Variants in IL13RA1 observed in about 807,000 individuals in gnomAD.
The protein encoded by IL13RA1 is interleukin 13 receptor subunit alpha 1.
A neutral mutation model predicts 33.8 loss-of-function variants in IL13RA1; 14 were observed. That is an observed-to-expected ratio of 0.41 (90% CI 0.27 to 0.65). The LOEUF is 0.65. IL13RA1 is among the 30% of genes least tolerant of loss of function. IL13RA1 has a pLI of 0.28. For synonymous variants in IL13RA1, 116 were observed against 115.7 expected, an observed-to-expected ratio of 1.00 and a Z score of -0.02; for missense variants, 313 against 327.0, an observed-to-expected ratio of 0.96 and a Z score of 0.33.
At chrX:118,738,469 C>T (rs774960037) in intron 1 of IL13RA1, among the ~76,000 whole-genome samples, 30 of 111,586 alleles carry the variant, frequency 2.7e-4, no homozygotes, top group African/African-American at 8.1e-4. Flanking sequence ...TGAGAACATG[C>T]GGTATTTGGT....
chrX:118,784,310 C>G (rs2036432066), intron 10 of IL13RA1, among the ~76,000 whole-genome samples: 1 of 106,234 alleles, frequency 9.4e-6, no homozygotes, highest in African/African-American at 3.4e-5. Context: ...CATAGGGAAA[C>G]TGAAATACCT....
At chrX:118,763,121 A>G (rs940437649) in intron 6 of IL13RA1, among the ~76,000 whole-genome samples, 51 of 111,404 alleles carry the variant, frequency 4.6e-4, no homozygotes, top group African/African-American at 1.5e-3. Flanking sequence ...GCAAACCACT[A>G]TGGCACACTT....
At chrX:118,797,603 C>T (rs1372383901), downstream of IL13RA1, among the ~76,000 whole-genome samples, 1 of 112,311 alleles carries the variant, frequency 8.9e-6, no homozygotes, top group East Asian at 2.8e-4. Flanking sequence ...GGCTATGTAA[C>T]TTTACATGGA....
At chrX:118,765,615 C>T (rs992234632) in intron 6 of IL13RA1, among the ~76,000 whole-genome samples, 2 of 112,091 alleles carry the variant, frequency 1.8e-5, no homozygotes, top group Non-Finnish European at 3.8e-5. Flanking sequence ...TTCTTATGAA[C>T]GTTCACATAC....
At chrX:118,804,507 T>C in the IL13RA1 span, among the ~76,000 whole-genome samples, 1 of 111,266 alleles carries the variant, frequency 9.0e-6, no homozygotes, top group Non-Finnish European at 1.9e-5. Context: ...TGTTGTGTAA[T>C]TTTTTCCCAC....
intron 8 of IL13RA1, chrX:118,769,986 A>G (rs2017694054): frequency 4.6e-6 from 1 of 216,071 alleles, no homozygotes; most frequent in Admixed American, 6.6e-5. Context: ...CTGGAGTACA[A>G]CTACACCGGC....
intron 4 of IL13RA1, among the ~76,000 whole-genome samples, chrX:118,755,384 ATTT>A (rs61662256): frequency 9.9e-6 from 1 of 101,462 alleles, no homozygotes; most frequent in Admixed American, 1.1e-4. Flanking sequence ...AATTTTAGGG[ATTT>A]TTTTTTTTTT....
intron 4 of IL13RA1, among the ~76,000 whole-genome samples, chrX:118,752,072 T>C (rs922721854): frequency 2.7e-5 from 3 of 110,027 alleles, no homozygotes; most frequent in African/African-American, 6.6e-5. Context: ...TGTTTCTTTT[T>C]CCCCCCCTGA....
At chrX:118,747,392 C>T (rs1439067405) in intron 3 of IL13RA1, among the ~76,000 whole-genome samples, 1 of 109,683 alleles carries the variant, frequency 9.1e-6, no homozygotes, top group African/African-American at 3.3e-5. Flanking sequence ...CACGCACACC[C>T]CTCCTTTAGA....
At chrX:118,799,607 C>T in the IL13RA1 span, among the ~76,000 whole-genome samples, 8 of 107,367 alleles carry the variant, frequency 7.5e-5, no homozygotes, top group African/African-American at 2.8e-4. Flanking sequence ...AATCATCACC[C>T]TGTGTGTAGC....
chrX:118,769,007 A>C (rs1356688923), intron 8 of IL13RA1, among the ~76,000 whole-genome samples: 1 of 112,682 alleles, frequency 8.9e-6, no homozygotes, highest in Non-Finnish European at 1.9e-5. Flanking sequence ...TGGCTTTCCC[A>C]AGTGAGTAAT....
At chrX:118,753,032 T>C (rs1361402012) in intron 4 of IL13RA1, among the ~76,000 whole-genome samples, 3 of 111,810 alleles carry the variant, frequency 2.7e-5, no homozygotes, top group Non-Finnish European at 3.8e-5. Context: ...CTGGAATCAT[T>C]ATTGGTAAAA....
chrX:118,746,286 A>G (rs2017403564), intron 2 of IL13RA1, among the ~76,000 whole-genome samples: 1 of 108,752 alleles, frequency 9.2e-6, no homozygotes, highest in African/African-American at 3.3e-5. Flanking sequence ...TACCTGGCCA[A>G]TTTTTTTTTG....
At chrX:118,743,600 A>G (rs763231771) in intron 2 of IL13RA1, among the ~76,000 whole-genome samples, 21 of 112,070 alleles carry the variant, frequency 1.9e-4, no homozygotes, top group African/African-American at 6.5e-4. Context: ...CAGGCATCCA[A>G]ATAGGAAGAT....
At chrX:118,733,217 C>T (rs1015937293) in intron 1 of IL13RA1, among the ~76,000 whole-genome samples, 68 of 111,923 alleles carry the variant, frequency 6.1e-4, no homozygotes, top group African/African-American at 1.9e-3. Flanking sequence ...TTTGAGGAAC[C>T]ACCATACTGT....
chrX:118,775,589 G>A (rs1237525123), intron 9 of IL13RA1, among the ~76,000 whole-genome samples: 1 of 111,349 alleles, frequency 9.0e-6, no homozygotes, highest in Non-Finnish European at 1.9e-5. Context: ...GTCAGAAATA[G>A]TATATATTTT....
At chrX:118,799,861 G>T in the IL13RA1 span, among the ~76,000 whole-genome samples, 1 of 67,479 alleles carries the variant, frequency 1.5e-5, no homozygotes, top group African/African-American at 5.9e-5. Flanking sequence ...TTAGCTCAAG[G>T]TTTGTGAGTG....
At chrX:118,802,379 T>C in the IL13RA1 span, among the ~76,000 whole-genome samples, 1 of 109,003 alleles carries the variant, frequency 9.2e-6, no homozygotes, top group Admixed American at 9.6e-5. Flanking sequence ...ATCTGTTCAG[T>C]TGGGGGGCGA....
chrX:118,792,170 T>C lies in IL13RA1; in HGVS notation c.*316T>C, dbSNP rs1465325868. ...AGTTGTGACAACTTCCTGAGGGATCTATACTTGCTTTGTGTTCTTTGTGTC... is the reference window on the plus strand; with the variant it reads ...AGTTGTGACAACTTCCTGAGGGATCCATACTTGCTTTGTGTTCTTTGTGTC... On this transcript the variant is annotated 3_prime_UTR_variant, in exon 11 of 11. Coordinates refer to ENST00000371666, the MANE Select transcript of IL13RA1 (RefSeq NM_001560.3). The C allele has an allele frequency of 7.2e-6, 1 of 138,558 alleles. No individual in the cohort carries two copies. Among genetic ancestry groups the C allele is most frequent in the Non-Finnish European group, 1.4e-5 (1 of 70,733 alleles). The allele number at this position is 138,558 out of a possible 1,213,427, so 11.4% of individuals were successfully genotyped here.
Sources: allele counts gnomAD v4.1 joint callset (sites outside exome capture counted in the v4.1 genomes callset), GRCh38; gene constraint gnomAD v4.1.1; transcripts MANE v1.5; gene names NCBI Gene and HGNC (gene_info 2026-07-23, HGNC 2026-07-21).